The following CACNA2D3 variants were observed in gnomAD, a reference collection of about 807,000 sequenced individuals.
The protein encoded by CACNA2D3 is calcium voltage-gated channel auxiliary subunit alpha2delta 3, also known as voltage-dependent calcium channel subunit alpha-2/delta-3.
A neutral mutation model predicts 160.6 loss-of-function variants in CACNA2D3; 60 were observed. That is an observed-to-expected ratio of 0.37 (90% CI 0.30 to 0.46). The LOEUF (loss-of-function observed/expected upper bound fraction) is 0.46, where lower values mean the gene tolerates loss of function less well. Among genes scored for constraint, CACNA2D3 ranks in the 20% least tolerant of loss-of-function variants. The pLI is 1.00. For missense variants in CACNA2D3, 1,205 were observed against 1,365.0 expected, an observed-to-expected ratio of 0.88 and a Z score of 1.85; for synonymous variants, 558 against 492.9, an observed-to-expected ratio of 1.13 and a Z score of -1.75.
intron 2 of CACNA2D3, among the ~76,000 whole-genome samples, chr3:54,158,108 T>TA (rs2107292731): frequency 6.6e-6 from 1 of 152,374 alleles, no homozygotes; most frequent in East Asian, 1.9e-4. Flanking sequence ...TCAGTCTGGC[T>TA]ACTTAGAGCT....
At chr3:54,861,577 G>A (rs570809445) in intron 17 of CACNA2D3, among the ~76,000 whole-genome samples, 1 of 152,330 alleles carries the variant, frequency 6.6e-6, no homozygotes, top group South Asian at 2.1e-4. Context: ...GAATCTCTCT[G>A]GCTGGACCCT....
chr3:54,751,888 A>G (rs750836140), intron 11 of CACNA2D3, among the ~76,000 whole-genome samples: 39 of 152,290 alleles, frequency 2.6e-4, no homozygotes, highest in African/African-American at 8.9e-4. Context: ...TTCATTCCTT[A>G]TCTTTCTTCC....
intron 2 of CACNA2D3, among the ~76,000 whole-genome samples, chr3:54,281,981 A>C (rs1362645577): frequency 1.3e-5 from 2 of 152,220 alleles, no homozygotes; most frequent in Non-Finnish European, 2.9e-5. Context: ...TAAAATTAAA[A>C]AGATAGTTTA....
intron 2 of CACNA2D3, among the ~76,000 whole-genome samples, chr3:54,146,602 G>T (rs960958771): frequency 6.6e-6 from 1 of 152,138 alleles, no homozygotes; most frequent in Non-Finnish European, 1.5e-5. Flanking sequence ...GAAGGGGGGC[G>T]TGGCCTAGTG....
chr3:54,158,977 T>A (rs1255830751), intron 2 of CACNA2D3, among the ~76,000 whole-genome samples: 1 of 152,246 alleles, frequency 6.6e-6, no homozygotes, highest in South Asian at 2.1e-4. Flanking sequence ...TTTTATCTCC[T>A]GGAAGAAGCC....
At chr3:54,972,155 G>A (rs1492001) in intron 29 of CACNA2D3, among the ~76,000 whole-genome samples, 85,586 of 151,996 alleles carry the variant, frequency 0.56, 24,295 homozygotes, top group East Asian at 0.73. Context: ...CTTGCTCACT[G>A]CTAACAATGT....
chr3:54,352,115 CACTTGG>C (rs1698575176), intron 3 of CACNA2D3, among the ~76,000 whole-genome samples: 1 of 152,138 alleles, frequency 6.6e-6, no homozygotes, highest in African/African-American at 2.4e-5. Flanking sequence ...TCTTATAATC[CACTTGG>C]ACTTGGCACA....
chr3:54,247,200 C>T (rs1190846166), intron 2 of CACNA2D3, among the ~76,000 whole-genome samples: 1 of 152,070 alleles, frequency 6.6e-6, no homozygotes, highest in African/African-American at 2.4e-5. Flanking sequence ...ATCCCAGTTA[C>T]TCGGGAGGCT....
chr3:54,461,200 G>T (rs1700497672), intron 4 of CACNA2D3, among the ~76,000 whole-genome samples: 1 of 152,132 alleles, frequency 6.6e-6, no homozygotes, highest in Non-Finnish European at 1.5e-5. Context: ...GAGGATTTTT[G>T]CATCAATGTT....
At position 54,732,539 on chromosome 3, in the gene CACNA2D3, G is replaced by A. The variant is rs565295994; in HGVS notation, c.1168-20060G>A. ...AGACATTTAAATAAAATCTCTTCGT[G>A]TCTGGAATTTGGGGATAGCAATGGA... On this transcript the variant is annotated intron_variant, in intron 11 of 37. Coordinates refer to ENST00000474759, the MANE Select transcript of CACNA2D3 (RefSeq NM_018398.3). Among the ~76,000 whole-genome samples the A allele has an allele frequency of 2.0e-5, 3 of 152,310 alleles. No homozygotes were observed. The East Asian group carries it at 5.8e-4, about 29-fold the overall frequency.
chr3:54,979,164 A>G (rs1477928863), intron 29 of CACNA2D3, among the ~76,000 whole-genome samples: 1 of 152,124 alleles, frequency 6.6e-6, no homozygotes, highest in African/African-American at 2.4e-5. Flanking sequence ...TCCCAAAATA[A>G]CTTGGGGCTC....
At chr3:54,478,932 A>G (rs1029314289) in intron 4 of CACNA2D3, among the ~76,000 whole-genome samples, 5 of 151,662 alleles carry the variant, frequency 3.3e-5, no homozygotes, top group African/African-American at 1.2e-4. Flanking sequence ...TTTATCATTG[A>G]TATGTATATA....
At chr3:54,881,691 A>G (rs1241375020) in intron 21 of CACNA2D3, among the ~76,000 whole-genome samples, 1 of 152,106 alleles carries the variant, frequency 6.6e-6, no homozygotes, top group Admixed American at 6.5e-5. Flanking sequence ...ACAGAGGAGG[A>G]GTGGGCCCAG....
At chr3:54,626,445 G>A (rs62255536) in intron 9 of CACNA2D3, 393,278 of 1,592,412 alleles carry the variant, frequency 0.25, 53,511 homozygotes, top group Non-Finnish European at 0.28. Flanking sequence ...TGGTGAAGAC[G>A]CACCTGCGTG....
At chr3:54,496,583 G>C (rs866140166) in intron 4 of CACNA2D3, among the ~76,000 whole-genome samples, 1 of 152,132 alleles carries the variant, frequency 6.6e-6, no homozygotes, top group African/African-American at 2.4e-5. Context: ...ACTTTTTCCT[G>C]AACCGTGGCT....
intron 4 of CACNA2D3, among the ~76,000 whole-genome samples, chr3:54,480,474 A>C (rs896451808): frequency 2.0e-5 from 3 of 152,170 alleles, no homozygotes; most frequent in African/African-American, 4.8e-5. Flanking sequence ...GTCATCACCA[A>C]CGTGATTTTT....
intron 9 of CACNA2D3, among the ~76,000 whole-genome samples, chr3:54,620,686 G>A (rs149663037): frequency 1.3e-5 from 2 of 152,252 alleles, no homozygotes; most frequent in Non-Finnish European, 2.9e-5. Context: ...ACGAACCTAA[G>A]TCTCTGCACC....
chr3:54,159,709 A>G (rs1700307368), intron 2 of CACNA2D3, among the ~76,000 whole-genome samples: 1 of 152,140 alleles, frequency 6.6e-6, no homozygotes, highest in Non-Finnish European at 1.5e-5. Flanking sequence ...TACCCACAAA[A>G]TTTTTTAAAA....
chr3:54,931,591 T>G (rs116608873), intron 27 of CACNA2D3, among the ~76,000 whole-genome samples: 5,157 of 152,060 alleles, frequency 0.034, 263 homozygotes, highest in African/African-American at 0.11. Context: ...ACTATGAGGG[T>G]CTCCTGGCCC....
Sources: allele counts gnomAD v4.1 joint callset (sites outside exome capture counted in the v4.1 genomes callset), GRCh38; gene constraint gnomAD v4.1.1; transcripts MANE v1.5; gene names NCBI Gene and HGNC (gene_info 2026-07-23, HGNC 2026-07-21).